HEMK1: variants seen among roughly 807,000 people sequenced by gnomAD.
The protein encoded by HEMK1 is MTRF1L release factor glutamine methyltransferase.
In HEMK1, 36 loss-of-function variants were observed where a neutral mutation model predicts 47.9. That is an observed-to-expected ratio of 0.75 (90% CI 0.58 to 0.99). The LOEUF is 0.99. Among genes scored for constraint, HEMK1 ranks in the 50% least tolerant of loss-of-function variants. The pLI is 0.00. For synonymous variants in HEMK1, 153 were observed against 165.4 expected, an observed-to-expected ratio of 0.93 and a Z score of 0.57; for missense variants, 383 against 434.5, an observed-to-expected ratio of 0.88 and a Z score of 1.05.
At chr3:50,579,638 G>A (rs770865817) in intron 8 of HEMK1, among the ~76,000 whole-genome samples, 28 of 152,184 alleles carry the variant, frequency 1.8e-4, no homozygotes, top group Non-Finnish European at 3.5e-4. Flanking sequence ...CATGCCTGGC[G>A]CTGCCTGGTA....
rs1575976355 is a variant in HEMK1 at position 50,594,905 on chromosome 3, C to A, written c.*14488C>A. On this transcript the variant is annotated 3_prime_UTR_variant, in exon 11 of 11. Coordinates refer to ENST00000232854, the MANE Select transcript of HEMK1 (RefSeq NM_016173.5). ...GAAGGCTGAGATTTTATCCGACTTTCTTTTTTTTTTTTTGAGACAGAGTCT... is the reference window on the plus strand; with the variant it reads ...GAAGGCTGAGATTTTATCCGACTTTATTTTTTTTTTTTTGAGACAGAGTCT... 2 of 146,132 alleles carry A rather than the reference C, an allele frequency of 1.4e-5. No homozygotes were observed. The highest frequency in any genetic ancestry group is 5.0e-5 in the African/African-American group (2 of 39,720). 9.1% of individuals were successfully genotyped at this position (146,132 alleles called of 1,614,324 possible). A position where few individuals can be genotyped will look rare whatever the true frequency, so the allele number is the denominator to read the frequency against.
rs962356808 is a variant in HEMK1 at position 50,578,843 on chromosome 3, C to T, written c.687C>T (p.Pro229=). ...CAGAAAGGAGCTGGACACACCTGCCCTGGGGCCCCATGGACCTGATTGTCA... is the reference window on the plus strand; with the variant it reads ...CAGAAAGGAGCTGGACACACCTGCCTTGGGGCCCCATGGACCTGATTGTCA... ...MTSERSWTHL[P]WGPMDLIVSN... The change falls in exon 8 of 11, where the codon CCC becomes CCT. Residue 229 remains proline, a synonymous_variant. Coordinates refer to ENST00000232854, the MANE Select transcript of HEMK1 (RefSeq NM_016173.5). 6.2e-7 allele frequency: 1 copy of T among 1,613,146 alleles called. No individual in the cohort carries two copies. Among genetic ancestry groups the T allele is most frequent in the African/African-American group, 1.3e-5 (1 of 74,924 alleles).
intron 1 of HEMK1, chr3:50,570,097 C>G (rs1317180466): frequency 5.3e-5 from 8 of 152,148 alleles, no homozygotes; most frequent in Non-Finnish European, 1.2e-4. Flanking sequence ...ACCTCGGCCT[C>G]CCAGAGTGCT....
chr3:50,573,502 T>TG (rs1249111617), intron 4 of HEMK1, among the ~76,000 whole-genome samples: 1 of 152,260 alleles, frequency 6.6e-6, no homozygotes, highest in Non-Finnish European at 1.5e-5. Flanking sequence ...GCCAGGGTTC[T>TG]GAGTATCAAG....
rs12494326 is a variant in HEMK1, at chr3:50,592,228, C to G, written c.*11811C>G. The G allele has an allele frequency of 0.073, 11,156 of 152,170 alleles. 1,063 individuals carry two copies. The highest frequency in any genetic ancestry group is 0.33 in the East Asian group (1,713 of 5,168). The allele number at this position is 152,170 out of a possible 1,614,324, so 9.4% of individuals were successfully genotyped here. A position where few individuals can be genotyped will look rare whatever the true frequency, so the allele number is the denominator to read the frequency against. ...AACCAGACCTTATCCACATCCCTGA[C>G]CTTTTTGGCTTCATGCTTGGAGCTT... On this transcript the variant is annotated 3_prime_UTR_variant, in exon 11 of 11. Transcript: ENST00000232854.
rs1438302697 is a variant in HEMK1, at chr3:50,582,766, T to G, written c.*2349T>G. On this transcript the variant is annotated 3_prime_UTR_variant, in exon 11 of 11. Coordinates refer to ENST00000232854, the MANE Select transcript of HEMK1 (RefSeq NM_016173.5). ...GGAGTTTCAGTCTTGGGCTCTTGAC[T>G]CCTCACTGTTGTCTAGAGATGGAGC... is the stretch of plus-strand genomic sequence containing the variant. 1 of 152,292 alleles carries G rather than the reference T, an allele frequency of 6.6e-6. No individual in the cohort carries two copies. The highest frequency in any genetic ancestry group is 1.5e-5 in the Non-Finnish European group (1 of 68,104). 9.4% of individuals were successfully genotyped at this position (152,292 alleles called of 1,614,324 possible).
chr3:50,573,192 G>T (rs1220265625), intron 4 of HEMK1, among the ~76,000 whole-genome samples: 4 of 152,152 alleles, frequency 2.6e-5, no homozygotes, highest in Non-Finnish European at 5.9e-5. Flanking sequence ...AGGCCTTGCT[G>T]AAGTCACAGG....
intron 9 of HEMK1, 37 bp from the exon 10 acceptor site, chr3:50,580,079 C>G: frequency 2.5e-6 from 4 of 1,583,640 alleles, no homozygotes; most frequent in Non-Finnish European, 3.5e-6. Context: ...GGCGCCAGAC[C>G]TGTCCTGCTG....
chr3:50,576,947 A>AC, intron 4 of HEMK1, 105 bp from the exon 5 acceptor site: 1 of 1,396,882 alleles, frequency 7.2e-7, no homozygotes, highest in Non-Finnish European at 9.9e-7. Context: ...GGCTTTGGCT[A>AC]CCTCCCCTTC....
At position 50,592,790 on chromosome 3, in the gene HEMK1, C is replaced by T. The variant is rs67813889; in HGVS notation, c.*12373C>T. ...TCCGAAGGCCCAACAAGGTCCTGTG[C>T]GCCCTCCAAGGGCAGAGGAGGCTGC... On this transcript the variant is annotated 3_prime_UTR_variant, in exon 11 of 11. Transcript: ENST00000232854. 0.1 allele frequency: 15,389 copies of T among 152,574 alleles called. 960 individuals are homozygous for T. Among genetic ancestry groups the T allele is most frequent in the Non-Finnish European group, 0.13 (8,952 of 68,190 alleles). 9.5% of individuals were successfully genotyped at this position (152,574 alleles called of 1,614,324 possible).
rs2031894557 is a variant in HEMK1, at chr3:50,594,989, T to G, written c.*14572T>G. On this transcript the variant is annotated 3_prime_UTR_variant, in exon 11 of 11. Transcript: ENST00000232854. ...ATCTTGGCTTACTGCAACCTCTGCC[T>G]CCCAGGTTCAAACGATTCTCCTGCC... The G allele has an allele frequency of 6.6e-6, 1 of 151,770 alleles. No individual in the cohort carries two copies. The highest frequency in any genetic ancestry group is 1.5e-5 in the Non-Finnish European group (1 of 68,036). The allele number at this position is 151,770 out of a possible 1,614,324, so 9.4% of individuals were successfully genotyped here.
Position 50,571,091 on chromosome 3 carries a change from C to A in HEMK1, c.-14C>A, listed in dbSNP as rs763486793. 7.1e-5 allele frequency: 112 copies of A among 1,567,376 alleles called. No individual in the cohort carries two copies. Among genetic ancestry groups the A allele is most frequent in the Non-Finnish European group, 9.2e-5 (106 of 1,155,414 alleles). On this transcript the variant is annotated 5_prime_UTR_variant, in exon 2 of 11. Transcript: ENST00000232854. ...GGGAACCTGGAAGCACTCTGGAGAA[C>A]CTTTCCCTGAGACATGGAGCTTTGG...
At position 50,577,542 on chromosome 3, in the gene HEMK1, G is replaced by T; in HGVS notation, c.583G>T (p.Ala195Ser). 1 of 1,614,190 alleles carries T rather than the reference G, an allele frequency of 6.2e-7. No homozygotes were observed. Among genetic ancestry groups the T allele is most frequent in the Non-Finnish European group, 8.5e-7 (1 of 1,180,020 alleles). ...RVIAVDKREA[A>S]ISLTHENAQR... ...CATTGCTGTGGATAAGCGGGAAGCT[G>T]CTATCTCTCTGACCCATGAGAATGC... The change falls in exon 6 of 11, where the codon GCT becomes TCT. Residue 195 changes from alanine to serine, a missense_variant. Ala to Ser is a moderately conservative substitution (Grantham distance 99, BLOSUM62 1). Coordinates refer to ENST00000232854, the MANE Select transcript of HEMK1 (RefSeq NM_016173.5).
At chr3:50,579,793 T>C (rs2107497685) in intron 8 of HEMK1, 51 bp from the exon 9 acceptor site, 2 of 1,381,742 alleles carry the variant, frequency 1.4e-6, no homozygotes, top group East Asian at 4.6e-5. Context: ...CCTCCATGCA[T>C]TTCAGATACC....
rs890209458 is a variant in HEMK1 at position 50,590,251 on chromosome 3, G to A, written c.*9834G>A. 6.6e-6 allele frequency: 1 copy of A among 150,980 alleles called. No individual in the cohort carries two copies. The highest frequency in any genetic ancestry group is 1.5e-5 in the Non-Finnish European group (1 of 67,774). 9.4% of individuals were successfully genotyped at this position (150,980 alleles called of 1,614,324 possible). On this transcript the variant is annotated 3_prime_UTR_variant, in exon 11 of 11. Coordinates refer to ENST00000232854, the MANE Select transcript of HEMK1 (RefSeq NM_016173.5). ...TAAAAATGAAAGAAAAGGAAGAAGG[G>A]AGGAGGAAGCCAGAAAGAAAGGGGC...
rs1045306636 is a variant in HEMK1 at position 50,594,198 on chromosome 3, G to T, written c.*13781G>T. 2.0e-5 allele frequency: 3 copies of T among 152,144 alleles called. No individual in the cohort carries two copies. Among genetic ancestry groups the T allele is most frequent in the Admixed American group, 2.0e-4 (3 of 15,272 alleles). The allele number at this position is 152,144 out of a possible 1,614,324, so 9.4% of individuals were successfully genotyped here. A position where few individuals can be genotyped will look rare whatever the true frequency, so the allele number is the denominator to read the frequency against. ...TCAAGTGCACTTGCTATTGATTTTGGATAGATGGCCCTTTTCTACTTAAAA... is the reference window on the plus strand; with the variant it reads ...TCAAGTGCACTTGCTATTGATTTTGTATAGATGGCCCTTTTCTACTTAAAA... On this transcript the variant is annotated 3_prime_UTR_variant, in exon 11 of 11. Transcript: ENST00000232854.
intron 5 of HEMK1, 91 bp from the exon 6 acceptor site, chr3:50,577,417 GT>G: frequency 7.7e-7 from 1 of 1,293,508 alleles, no homozygotes; most frequent in Admixed American, 1.7e-5. Flanking sequence ...TTCTCTTCTG[GT>G]GGGGGGTTGG....
At chr3:50,577,274 G>A (rs1701687936) in intron 5 of HEMK1, 88 bp downstream of exon 5, 1 of 1,460,074 alleles carries the variant, frequency 6.8e-7, no homozygotes, top group Non-Finnish European at 9.4e-7. Flanking sequence ...TCTGCTAGGA[G>A]CGCTTGAGGG....
rs1389468055 is a variant in HEMK1 at position 50,589,405 on chromosome 3, G to C, written c.*8988G>C. ...GTGCTGTGCCCATTTGAGTCTGTGT[G>C]TGGTTTTTAAAATTGGGTTTTTTTT... On this transcript the variant is annotated 3_prime_UTR_variant, in exon 11 of 11. Transcript: ENST00000232854. 7.1e-6 allele frequency: 1 copy of C among 140,402 alleles called. No homozygotes were observed. Among genetic ancestry groups the C allele is most frequent in the Non-Finnish European group, 1.5e-5 (1 of 65,024 alleles). The allele number at this position is 140,402 out of a possible 1,614,324, so 8.7% of individuals were successfully genotyped here.
Sources: gnomAD v4.1 joint callset for allele counts (sites outside exome capture counted in the v4.1 genomes callset) on GRCh38, gnomAD v4.1.1 for gene constraint, MANE v1.5 for transcripts, NCBI Gene and HGNC (gene_info 2026-07-23, HGNC 2026-07-21) for gene names.